PCDHGB1: variants seen among roughly 807,000 people sequenced by gnomAD.
The protein encoded by PCDHGB1 is protocadherin gamma subfamily B, 1, also known as protocadherin gamma-B1.
PCDHGB1 carries 34 observed loss-of-function variants against 56.6 expected under a neutral mutation model. The ratio of observed to expected loss-of-function variants is 0.60; its 90% confidence interval spans 0.46 to 0.80. The LOEUF is 0.80. Among genes scored for constraint, PCDHGB1 ranks in the 30% least tolerant of loss-of-function variants. The pLI is 0.00. For synonymous variants in PCDHGB1, 561 were observed against 505.9 expected (o/e 1.11, Z -1.46); for missense variants, 1,278 against 1,204.6 (o/e 1.06, Z -0.90).
At chr5:141,383,225 T>G in intron 1 of PCDHGB1, 2 of 1,613,970 alleles carry the variant, frequency 1.2e-6, no homozygotes, top group Non-Finnish European at 1.7e-6. Context: ...TTTAACATCC[T>G]GATGGAAGAT....
chr5:141,438,450 A>G (rs1017249043), intron 1 of PCDHGB1, among the ~76,000 whole-genome samples: 32 of 151,738 alleles, frequency 2.1e-4, no homozygotes, highest in African/African-American at 7.5e-4. Flanking sequence ...ACTCAATACA[A>G]TGCTTGAGTT....
At chr5:141,357,844 T>G (rs1760744896) in intron 1 of PCDHGB1, 1 of 624,618 alleles carries the variant, frequency 1.6e-6, no homozygotes, top group Non-Finnish European at 2.7e-6. Flanking sequence ...CAGTTGTAGT[T>G]TCAGCCAGAA....
intron 1 of PCDHGB1, chr5:141,362,643 G>A: frequency 6.8e-7 from 1 of 1,460,260 alleles, no homozygotes; most frequent in Non-Finnish European, 9.1e-7. Flanking sequence ...TTCTTTGTCT[G>A]TGAGTTAGAT....
At position 141,477,577 on chromosome 5, in the gene PCDHGB1, G is replaced by T; in HGVS notation, c.2410-17230G>T. Reference sequence around the variant, plus strand: ...TAAGTGTCTGGGACCCCGACGCCCCGCAGAATGCTCGGCTTTCTTTCTTTC... The same window carrying T: ...TAAGTGTCTGGGACCCCGACGCCCCTCAGAATGCTCGGCTTTCTTTCTTTC... On this transcript the variant is annotated intron_variant, in intron 1 of 3. Transcript: ENST00000523390. The surrounding 1 kb of genome is among the most constrained non-coding windows in gnomAD (Gnocchi z 4.9). 1.2e-6 allele frequency: 2 copies of T among 1,614,124 alleles called. No homozygotes were observed. Among genetic ancestry groups the T allele is most frequent in the Non-Finnish European group, 1.7e-6 (2 of 1,180,020 alleles).
intron 1 of PCDHGB1, chr5:141,400,191 A>C (rs781032596): frequency 5.0e-6 from 8 of 1,613,852 alleles, no homozygotes; most frequent in Non-Finnish European, 4.2e-6. Context: ...AGTTTTACCT[A>C]GTGGTGGCCT....
chr5:141,382,807 T>TC (rs1430207152), intron 1 of PCDHGB1: 2 of 1,107,572 alleles, frequency 1.8e-6, no homozygotes, highest in Non-Finnish European at 2.6e-6. Context: ...GATTCTGAGC[T>TC]CCCCTTCCTA....
intron 1 of PCDHGB1, chr5:141,409,921 G>C (rs767370997): frequency 2.7e-5 from 44 of 1,613,404 alleles, no homozygotes; most frequent in Non-Finnish European, 3.7e-5. Context: ...ACGGCTCCGC[G>C]TTCTTCGATA....
chr5:141,380,927 T>C (rs1776861991), intron 1 of PCDHGB1, among the ~76,000 whole-genome samples: 2 of 152,248 alleles, frequency 1.3e-5, no homozygotes, highest in African/African-American at 2.4e-5. Context: ...TTAATAATCA[T>C]ACACTTTGCT....
rs1187459113 is a variant in PCDHGB1 at position 141,487,187 on chromosome 5, G to A, written c.2410-7620G>A. On this transcript the variant is annotated intron_variant, in intron 1 of 3. Coordinates refer to ENST00000523390, the MANE Select transcript of PCDHGB1 (RefSeq NM_018922.3). This position sits in a 1 kb window ranked among gnomAD's most constrained non-coding sequence, Gnocchi z 5.0. The stretch of plus-strand genomic sequence containing the variant: ...GTCCTTAGAGGAAGACACTCATCCA[G>A]TTGTCCCAGATCTTCGAGAATCTTC... 1.2e-6 allele frequency: 2 copies of A among 1,613,826 alleles called. No homozygotes were observed. Among genetic ancestry groups the A allele is most frequent in the Admixed American group, 3.3e-5 (2 of 60,024 alleles).
At chr5:141,498,971 G>GGAAGGAA (rs2099787559) in intron 2 of PCDHGB1, among the ~76,000 whole-genome samples, 2 of 111,052 alleles carry the variant, frequency 1.8e-5, no homozygotes, top group African/African-American at 7.2e-5. Context: ...GAGGGAGGGA[G>GGAAGGAA]GGAAGGAAGG....
chr5:141,409,769 G>A (rs1413636372), intron 1 of PCDHGB1: 19 of 1,612,658 alleles, frequency 1.2e-5, no homozygotes, highest in Non-Finnish European at 1.5e-5. Context: ...CTTTGATCAC[G>A]AGCAGCTGCG....
Position 141,350,980 on chromosome 5 carries a change from C to T in PCDHGB1, c.720C>T (p.Ser240=). 19 of 1,614,060 alleles carry T rather than the reference C, an allele frequency of 1.2e-5. No individual in the cohort carries two copies. Among genetic ancestry groups the T allele is most frequent in the Non-Finnish European group, 1.5e-5 (18 of 1,179,900 alleles). ...CCAATGATAATGCTCCCGTGTTTAG[C>T]CAGGAGGTATACAGGGTTAGCCTCC... The part of the protein sequence containing the change: ...TDANDNAPVF[S]QEVYRVSLQE... Residue 240 remains serine (S), a synonymous_variant, in exon 1 of 4, where the codon AGC becomes AGT. Coordinates refer to ENST00000523390, the MANE Select transcript of PCDHGB1 (RefSeq NM_018922.3).
At position 141,485,729 on chromosome 5, in the gene PCDHGB1, A is replaced by G. The variant is rs2099618322; in HGVS notation, c.2410-9078A>G. 6.2e-7 allele frequency: 1 copy of G among 1,614,092 alleles called. No individual in the cohort carries two copies. The highest frequency in any genetic ancestry group is 1.1e-5 in the South Asian group (1 of 91,094). ...CTTTGCACTGGATGTGAAGAAGCGCAGCGACGGCAGCCTGGTCCCAGAGCT... is the reference window on the plus strand; with the variant it reads ...CTTTGCACTGGATGTGAAGAAGCGCGGCGACGGCAGCCTGGTCCCAGAGCT... On this transcript the variant is annotated intron_variant, in intron 1 of 3. Coordinates refer to ENST00000523390, the MANE Select transcript of PCDHGB1 (RefSeq NM_018922.3). This position sits in a 1 kb window ranked among gnomAD's most constrained non-coding sequence, Gnocchi z 5.7.
intron 1 of PCDHGB1, among the ~76,000 whole-genome samples, chr5:141,466,725 G>A (rs1184472416): frequency 2.6e-5 from 4 of 152,024 alleles, no homozygotes; most frequent in Non-Finnish European, 5.9e-5. Context: ...TTCCATTTTA[G>A]CAGAATTCAT....
Position 141,351,694 on chromosome 5 carries a change from A to T in PCDHGB1, c.1434A>T (p.Gly478=). The T allele has an allele frequency of 6.2e-7, 1 of 1,613,918 alleles. No homozygotes were observed. Among genetic ancestry groups the T allele is most frequent in the African/African-American group, 1.3e-5 (1 of 75,062 alleles). ...AQVSASDPDL[G]PNGRVSYSIL... The stretch of plus-strand genomic sequence containing the variant: ...TAAGCGCCTCCGACCCGGATTTGGG[A>T]CCCAACGGCAGAGTCTCCTACTCTA... The change falls in exon 1 of 4, where the codon GGA becomes GGT. Residue 478 remains glycine (G), a synonymous_variant. Coordinates refer to ENST00000523390, the MANE Select transcript of PCDHGB1 (RefSeq NM_018922.3).
At chr5:141,441,984 A>G (rs1202392318) in intron 1 of PCDHGB1, 4 of 275,400 alleles carry the variant, frequency 1.5e-5, no homozygotes, top group South Asian at 7.2e-5. Flanking sequence ...TGGAATGCGC[A>G]CCGACGAGGT....
chr5:141,371,372 T>A lies in PCDHGB1; in HGVS notation c.2409+18703T>A, dbSNP rs73265849. ...GGGTGGAAGCAAAGGATGGTGGACA[T>A]CACACTGCATATTGTAAAGTACAGA... is the stretch of plus-strand genomic sequence containing the variant. On this transcript the variant is annotated intron_variant, in intron 1 of 3. Transcript: ENST00000523390. 2,400 of 1,613,952 alleles carry A rather than the reference T, an allele frequency of 1.5e-3. 32 individuals are homozygous for A. In the African/African-American group the frequency reaches 0.028, roughly 19 times the overall value.
At chr5:141,505,241 T>C in intron 2 of PCDHGB1, 152 bp from the exon 3 acceptor site, 3 of 1,396,292 alleles carry the variant, frequency 2.1e-6, no homozygotes, top group South Asian at 1.4e-5. Flanking sequence ...TTCTGAAGGA[T>C]TGTAGAAGTG....
chr5:141,423,506 T>C (rs1242003813), intron 1 of PCDHGB1: 1 of 1,613,808 alleles, frequency 6.2e-7, no homozygotes, highest in African/African-American at 1.3e-5. Context: ...GAGGTCTCTC[T>C]CATTGCGGAC....
Sources: allele counts gnomAD v4.1 joint callset (sites outside exome capture counted in the v4.1 genomes callset), GRCh38; gene constraint gnomAD v4.1.1; non-coding constraint Gnocchi (gnomAD v3.1); transcripts MANE v1.5; gene names NCBI Gene and HGNC (gene_info 2026-07-23, HGNC 2026-07-21).